The following TRAPPC8 variants were observed in gnomAD, a reference collection of about 807,000 sequenced individuals.
The protein encoded by TRAPPC8 is trafficking protein particle complex subunit 8, also known as general sporulation gene 1 homolog.
In TRAPPC8, 54 loss-of-function variants were observed where a neutral mutation model predicts 174.3. That is an observed-to-expected ratio of 0.31 (90% CI 0.25 to 0.39). The LOEUF is 0.39. TRAPPC8 is among the 10% of genes least tolerant of loss of function. The pLI is 1.00. For synonymous variants in TRAPPC8, 630 were observed against 579.9 expected, an observed-to-expected ratio of 1.09 and a Z score of -1.24; for missense variants, 1,531 against 1,699.1, an observed-to-expected ratio of 0.90 and a Z score of 1.74.
chr18:31,842,549 T>C (rs914005061), intron 26 of TRAPPC8, among the ~76,000 whole-genome samples: 3 of 152,250 alleles, frequency 2.0e-5, no homozygotes, highest in Admixed American at 1.3e-4. Context: ...CCCATGACAA[T>C]GGTTGGATGA....
intron 2 of TRAPPC8, among the ~76,000 whole-genome samples, chr18:31,922,754 A>T (rs1406257006): frequency 6.6e-6 from 1 of 152,050 alleles, no homozygotes; most frequent in Non-Finnish European, 1.5e-5. Context: ...TCAGTGGCTC[A>T]CGCCTGTAAT....
intron 27 of TRAPPC8, among the ~76,000 whole-genome samples, chr18:31,838,202 CCTT>C (rs2032877739): frequency 6.6e-6 from 1 of 152,124 alleles, no homozygotes; most frequent in South Asian, 2.1e-4. Flanking sequence ...GCCCAGTACT[CCTT>C]CTATGCATCC....
rs1187977607 is a variant in TRAPPC8 at position 31,899,351 on chromosome 18, T to C, written c.1491-1460A>G. ...TTGTTATTAAGACTAAATGAGCATATAGATTTCTTCTGCATGGTGGCGAAT... is the reference window on the plus strand; with the variant it reads ...TTGTTATTAAGACTAAATGAGCATACAGATTTCTTCTGCATGGTGGCGAAT... On this transcript the variant is annotated intron_variant, in intron 10 of 28. Transcript: ENST00000283351. 2.6e-5 allele frequency among the ~76,000 whole-genome samples: 4 copies of C among 152,222 alleles called. No individual in the cohort carries two copies. In the East Asian group the frequency reaches 7.7e-4, roughly 29 times the overall value.
intron 1 of TRAPPC8, among the ~76,000 whole-genome samples, chr18:31,940,225 C>T (rs8084615): frequency 0.04 from 6,140 of 152,132 alleles, 354 homozygotes; most frequent in African/African-American, 0.12. Flanking sequence ...GCCTGTAATC[C>T]CAGCACTTTG....
chr18:31,880,122 T>TATATATATATATG (rs1491572903), intron 12 of TRAPPC8, among the ~76,000 whole-genome samples: 1 of 65,924 alleles, frequency 1.5e-5, no homozygotes, highest in Non-Finnish European at 3.0e-5. Flanking sequence ...TATATATATA[T>TATATATATATATG]TTTTTTTTTT....
At chr18:31,909,796 T>C (rs1189967070) in intron 5 of TRAPPC8, 36 bp from the exon 6 acceptor site, 1 of 1,279,104 alleles carries the variant, frequency 7.8e-7, no homozygotes, top group Non-Finnish European at 1.1e-6. Flanking sequence ...TTAGCAGTTA[T>C]ACTTAATCAT....
chr18:31,889,780 A>C (rs1397281639), intron 12 of TRAPPC8, among the ~76,000 whole-genome samples: 1 of 152,236 alleles, frequency 6.6e-6, no homozygotes, highest in Non-Finnish European at 1.5e-5. Flanking sequence ...TTCCAAAAAT[A>C]AGAGGAAGGA....
At chr18:31,838,738 T>C (rs1227290792) in intron 27 of TRAPPC8, among the ~76,000 whole-genome samples, 2 of 152,228 alleles carry the variant, frequency 1.3e-5, no homozygotes, top group Non-Finnish European at 2.9e-5. Flanking sequence ...ACCACTTCTC[T>C]TGAACTATTC....
chr18:31,866,907 G>A lies in TRAPPC8; in HGVS notation c.2532C>T (p.Gly844=). 2.5e-6 allele frequency: 4 copies of A among 1,613,692 alleles called. No homozygotes were observed. The highest frequency in any genetic ancestry group is 3.4e-6 in the Non-Finnish European group (4 of 1,179,760). Residue 844 remains glycine, a synonymous_variant, in exon 18 of 29, where the codon GGC becomes GGT. Transcript: ENST00000283351. The stretch of plus-strand genomic sequence containing the variant: ...CTACTGTCATAGAGCCCTGAATAGT[G>A]CCAAGATTATAAACAACTCCCAGAA... The part of the protein sequence containing the change: ...LHILGVVYNL[G]TIQGSMTVDG...
rs771186975 is a variant in TRAPPC8, at chr18:31,916,397, T to C, written c.492A>G (p.Ser164=). ...SSEAEPVEQF[S]KLSQEQHRIQ... is the part of the protein sequence containing the mutation. ...TTCGATGCTGTTCTTGTGACAACTT[T>C]GAAAACTGTTCCACAGGTTCAGCTT... Residue 164 remains serine (S), a synonymous_variant, in exon 4 of 29, where the codon TCA becomes TCG. Transcript: ENST00000283351. 2.2e-5 allele frequency: 36 copies of C among 1,613,690 alleles called. No homozygotes were observed. The highest frequency in any genetic ancestry group is 8.5e-7 in the Non-Finnish European group (1 of 1,179,932).
At chr18:31,883,726 G>C (rs754643329) in intron 12 of TRAPPC8, 1 of 152,186 alleles carries the variant, frequency 6.6e-6, no homozygotes, top group Non-Finnish European at 1.5e-5. Context: ...ATCTCAAATA[G>C]AGACAAATTA....
At chr18:31,932,927 G>A (rs1486050291) in intron 1 of TRAPPC8, among the ~76,000 whole-genome samples, 1 of 150,434 alleles carries the variant, frequency 6.6e-6, no homozygotes, top group Non-Finnish European at 1.5e-5. Context: ...GTGAGCCAAG[G>A]CGGAGGGTTG....
chr18:31,857,440 G>GT, intron 20 of TRAPPC8, 100 bp downstream of exon 20: 2 of 1,024,048 alleles, frequency 2.0e-6, no homozygotes, highest in Non-Finnish European at 2.7e-6. Flanking sequence ...CTGGAACAGA[G>GT]TAATTTCTTA....
chr18:31,855,751 C>A lies in TRAPPC8; in HGVS notation c.3245G>T (p.Arg1082Leu). The A allele has an allele frequency of 6.2e-7, 1 of 1,610,748 alleles. No individual in the cohort carries two copies. Among genetic ancestry groups the A allele is most frequent in the Non-Finnish European group, 8.5e-7 (1 of 1,179,436 alleles). ...AGAATTACTTCTGCAGACAGTGGCC[C>A]GTACATTTAAAGACCGACTGGTACA... ...IICTSRSLNV[R>L]ATVCRSNSLE... Residue 1082 changes from arginine (R) to leucine (L), a missense_variant, in exon 21 of 29, where the codon CGG becomes CTG. By Grantham distance (102) the Arg-to-Leu change is moderately radical. Transcript: ENST00000283351.
intron 11 of TRAPPC8, among the ~76,000 whole-genome samples, chr18:31,892,685 A>G (rs1015108996): frequency 2.0e-5 from 3 of 152,186 alleles, no homozygotes; most frequent in African/African-American, 4.8e-5. Context: ...GAATAAGAGT[A>G]TATGTGTTCC....
intron 12 of TRAPPC8, among the ~76,000 whole-genome samples, chr18:31,886,305 A>G (rs562434701): frequency 4.7e-4 from 66 of 141,670 alleles, no homozygotes; most frequent in Non-Finnish European, 7.6e-4. Context: ...CAATACGCCC[A>G]GCCTGTTTCC....
At chr18:31,840,991 A>C (rs549159067) in intron 26 of TRAPPC8, among the ~76,000 whole-genome samples, 1 of 152,194 alleles carries the variant, frequency 6.6e-6, no homozygotes, top group Non-Finnish European at 1.5e-5. Context: ...ACAAGCATAT[A>C]ATCATATGGC....
chr18:31,915,411 C>G (rs907054077), intron 4 of TRAPPC8, among the ~76,000 whole-genome samples: 3 of 142,090 alleles, frequency 2.1e-5, no homozygotes, highest in Non-Finnish European at 4.5e-5. Flanking sequence ...TGCAGTGAGC[C>G]AAGATCGTGC....
rs1339701817 is a variant in TRAPPC8 at position 31,935,555 on chromosome 18, A to G, written c.158-4032T>C. Among the ~76,000 whole-genome samples the G allele has an allele frequency of 1.4e-5, 2 of 143,290 alleles. 1 individual carries two copies. The highest frequency in any genetic ancestry group is 3.0e-5 in the Non-Finnish European group (2 of 65,728). The allele number at this position is 143,290 out of a possible 152,430, so 94.0% of individuals were successfully genotyped here. A position where few individuals can be genotyped will look rare whatever the true frequency, so the allele number is the denominator to read the frequency against. On this transcript the variant is annotated intron_variant, in intron 1 of 28. Coordinates refer to ENST00000283351, the MANE Select transcript of TRAPPC8 (RefSeq NM_014939.5). ...AAGAGCGAAACTCCATCTTAAAAAA[A>G]AAAAAAAAAAAAAGCAGGCTTTATG...
Sources: allele counts gnomAD v4.1 joint callset (sites outside exome capture counted in the v4.1 genomes callset), GRCh38; gene constraint gnomAD v4.1.1; transcripts MANE v1.5; gene names NCBI Gene and HGNC (gene_info 2026-07-23, HGNC 2026-07-21).